The following COX18 variants were observed in gnomAD, a reference collection of about 807,000 sequenced individuals.
COX18 encodes cytochrome c oxidase assembly protein COX18, mitochondrial.
In COX18, 45 loss-of-function variants were observed where a neutral mutation model predicts 38.0. That is an observed-to-expected ratio of 1.18 (90% CI 0.93 to 1.52). COX18 has a LOEUF of 1.52. Among genes scored for constraint, COX18 ranks in the 40% most tolerant of loss-of-function variants. The probability of loss-of-function intolerance (pLI) is 0.00; values close to 1 mark genes in which losing one functional copy is unlikely to be tolerated. For synonymous variants in COX18, 177 were observed against 169.8 expected, an observed-to-expected ratio of 1.04 and a Z score of -0.33; for missense variants, 462 against 423.8, an observed-to-expected ratio of 1.09 and a Z score of -0.79.
rs2110042064 is a variant in COX18, at chr4:73,056,131, AG to A, written c.*1982del. On this transcript the variant is annotated 3_prime_UTR_variant, in exon 6 of 6. Coordinates refer to ENST00000507544, the MANE Select transcript of COX18 (RefSeq NM_001297732.2). ...TTGTAAAACATTGAGATGGAATGAT[AG>A]GGTTTCCCAGAATCAGGTCCATATT... The A allele has an allele frequency of 6.6e-6, 1 of 152,330 alleles. No homozygotes were observed. Among genetic ancestry groups the A allele is most frequent in the East Asian group, 1.9e-4 (1 of 5,192 alleles). The allele number at this position is 152,330 out of a possible 1,614,324, so 9.4% of individuals were successfully genotyped here. A position where few individuals can be genotyped will look rare whatever the true frequency, so the allele number is the denominator to read the frequency against.
chr4:73,069,695 G>T lies in COX18; in HGVS notation c.-46C>A. The T allele has an allele frequency of 6.6e-7, 1 of 1,516,862 alleles. No homozygotes were observed. The highest frequency in any genetic ancestry group is 1.2e-5 in the South Asian group (1 of 83,612). The allele number at this position is 1,516,862 out of a possible 1,614,324, so 94.0% of individuals were successfully genotyped here. On this transcript the variant is annotated 5_prime_UTR_variant, in exon 1 of 6. Coordinates refer to ENST00000507544, the MANE Select transcript of COX18 (RefSeq NM_001297732.2). ...CAGATCCCGGGCCTCACAATCCAGC[G>T]GACATACACCGGCCAGCCAAGGCTG... is the stretch of plus-strand genomic sequence containing the variant.
rs1719893615 is a variant in COX18, at chr4:73,056,582, GAC to G, written c.*1530_*1531del. 6.6e-6 allele frequency: 1 copy of G among 152,066 alleles called. No homozygotes were observed. The highest frequency in any genetic ancestry group is 6.6e-5 in the Admixed American group (1 of 15,262). The allele number at this position is 152,066 out of a possible 1,614,324, so 9.4% of individuals were successfully genotyped here. On this transcript the variant is annotated 3_prime_UTR_variant, in exon 6 of 6. Coordinates refer to ENST00000507544, the MANE Select transcript of COX18 (RefSeq NM_001297732.2). ...ACCATGTTAGGGACTTGTATGCATGGACTACTTTACTGCATATATTTCAAGTT... is the reference window on the plus strand; with the variant it reads ...ACCATGTTAGGGACTTGTATGCATGGTACTTTACTGCATATATTTCAAGTT...
intron 2 of COX18, among the ~76,000 whole-genome samples, chr4:73,066,574 A>G (rs930241551): frequency 6.6e-6 from 1 of 152,332 alleles, no homozygotes; most frequent in East Asian, 1.9e-4. Context: ...AGAAGCCCTC[A>G]GATGTTTCCT....
In COX18 at chr4:73,067,956, G is replaced by GTGTGTGTA; in HGVS notation, c.434+72_434+73insTACACACA. 3.3e-3 allele frequency: 3 copies of GTGTGTGTA among 912 alleles called. No individual in the cohort carries two copies. The Non-Finnish European group carries it at 0.048, about 15-fold the overall frequency. The allele number at this position is 912 out of a possible 1,614,324, so 0.1% of individuals were successfully genotyped here. A position where few individuals can be genotyped will look rare whatever the true frequency, so the allele number is the denominator to read the frequency against. On this transcript the variant is annotated intron_variant, in intron 2 of 5. Coordinates refer to ENST00000507544, the MANE Select transcript of COX18 (RefSeq NM_001297732.2). ...ATAATTAACATCACAATTTATGTAT[G>GTGTGTGTA]TGTGTGTGTGTGTGTGTGTGTGTGT...
At chr4:73,060,414 T>C (rs1045435808) in intron 5 of COX18, among the ~76,000 whole-genome samples, 2 of 152,240 alleles carry the variant, frequency 1.3e-5, no homozygotes, top group African/African-American at 4.8e-5. Context: ...ACTACTACTT[T>C]ATGTAAAAAG....
At chr4:73,059,229 C>T (rs982404593) in intron 5 of COX18, among the ~76,000 whole-genome samples, 7 of 152,142 alleles carry the variant, frequency 4.6e-5, no homozygotes, top group African/African-American at 1.7e-4. Flanking sequence ...GTAATCAGGC[C>T]CCAGAAACAA....
rs1720384245 is a variant in COX18, at chr4:73,065,278, A to G, written c.570T>C (p.Asn190=). ...MWIFMSFALR[N]LSTGAAHSEA... is the part of the protein sequence containing the mutation. ...CTGAATGTGCTGCCCCCGTGCTTAA[A>G]TTCCGGAGAGCAAAAGACATGAAGA... The change falls in exon 3 of 6, where the codon AAT becomes AAC. Residue 190 remains asparagine, a synonymous_variant. Coordinates refer to ENST00000507544, the MANE Select transcript of COX18 (RefSeq NM_001297732.2). 6.2e-7 allele frequency: 1 copy of G among 1,613,378 alleles called. No individual in the cohort carries two copies. Among genetic ancestry groups the G allele is most frequent in the East Asian group, 2.2e-5 (1 of 44,846 alleles).
At chr4:73,067,778 T>A (rs1301029131) in intron 2 of COX18, among the ~76,000 whole-genome samples, 1 of 128,528 alleles carries the variant, frequency 7.8e-6, no homozygotes, top group Non-Finnish European at 1.6e-5. Context: ...GAGGCAGAGG[T>A]TGTGATGAGC....
chr4:73,058,314 C>G, intron 5 of COX18, 27 bp from the exon 6 acceptor site: 1 of 1,530,100 alleles, frequency 6.5e-7, no homozygotes, highest in Non-Finnish European at 8.9e-7. Context: ...TAAATGTTAG[C>G]ATCTGTAATT....
At position 73,058,084 on chromosome 4, in the gene COX18, G is replaced by GC. The variant is rs1333513690; in HGVS notation, c.*29dup. The GC allele has an allele frequency of 2.7e-6, 4 of 1,460,000 alleles. No individual in the cohort carries two copies. The highest frequency in any genetic ancestry group is 3.8e-6 in the Non-Finnish European group (4 of 1,058,570). The allele number at this position is 1,460,000 out of a possible 1,614,324, so 90.4% of individuals were successfully genotyped here. The stretch of plus-strand genomic sequence containing the variant: ...ATACATTTAGATGATAGTGACTCCT[G>GC]CAACTGTTTCAAAATTATTGGAAAA... On this transcript the variant is annotated 3_prime_UTR_variant, in exon 6 of 6. Transcript: ENST00000507544.
intron 4 of COX18, among the ~76,000 whole-genome samples, chr4:73,063,943 C>T (rs763937288): frequency 6.6e-6 from 1 of 152,294 alleles, no homozygotes; most frequent in African/African-American, 2.4e-5. Context: ...ATTATATGCA[C>T]GCTTTCCCTA....
chr4:73,067,998 G>T, intron 2 of COX18, 31 bp downstream of exon 2: 1 of 1,286,490 alleles, frequency 7.8e-7, no homozygotes, highest in Non-Finnish European at 1.1e-6. Flanking sequence ...GTATGTGTGC[G>T]TATGGTCTTA....
chr4:73,061,667 C>T, intron 5 of COX18, 146 bp downstream of exon 5: 1 of 575,138 alleles, frequency 1.7e-6, no homozygotes, highest in Non-Finnish European at 3.0e-6. Context: ...GAGATCGCGC[C>T]ACTGCACTCC....
Position 73,055,159 on chromosome 4 carries a change from C to CA in COX18, c.*2954dup, listed in dbSNP as rs1719840864. 2.0e-5 allele frequency: 3 copies of CA among 152,324 alleles called. No homozygotes were observed. The South Asian group carries it at 6.2e-4, about 32-fold the overall frequency. The allele number at this position is 152,324 out of a possible 1,614,324, so 9.4% of individuals were successfully genotyped here. A position where few individuals can be genotyped will look rare whatever the true frequency, so the allele number is the denominator to read the frequency against. On this transcript the variant is annotated 3_prime_UTR_variant, in exon 6 of 6. Coordinates refer to ENST00000507544, the MANE Select transcript of COX18 (RefSeq NM_001297732.2). ...TACACAGTAACACACACGGCAAAGG[C>CA]AAAGTTATTCCAGAGGTAATATGTA... is the stretch of plus-strand genomic sequence containing the variant.
At position 73,069,144 on chromosome 4, in the gene COX18, G is replaced by A. The variant is rs150240213; in HGVS notation, c.333+173C>T. 1.2e-3 allele frequency among the ~76,000 whole-genome samples: 187 copies of A among 152,350 alleles called. 1 individual carries two copies. The highest frequency in any genetic ancestry group is 2.1e-3 in the Non-Finnish European group (146 of 68,036). On this transcript the variant is annotated intron_variant, in intron 1 of 5. Transcript: ENST00000507544. ...AAGTATCTTATTTAACACACCTAAT[G>A]CTAGTTCAATTTTTTTTAACGCTAA...
Position 73,052,607 on chromosome 4 carries a change from A to G in COX18, c.*5507T>C, listed in dbSNP as rs983804814. 6.6e-6 allele frequency: 1 copy of G among 152,198 alleles called. No homozygotes were observed. Among genetic ancestry groups the G allele is most frequent in the Non-Finnish European group, 1.5e-5 (1 of 68,036 alleles). 9.4% of individuals were successfully genotyped at this position (152,198 alleles called of 1,614,324 possible). A position where few individuals can be genotyped will look rare whatever the true frequency, so the allele number is the denominator to read the frequency against. ...CATTATTACAAGTTTAAACAACACT[A>G]ATAAGGTTCAAATGGAAAATCTATA... On this transcript the variant is annotated 3_prime_UTR_variant, in exon 6 of 6. Transcript: ENST00000507544.
intron 4 of COX18, among the ~76,000 whole-genome samples, chr4:73,062,441 A>T (rs1720219983): frequency 6.6e-6 from 1 of 152,158 alleles, no homozygotes; most frequent in African/African-American, 2.4e-5. Flanking sequence ...ACCAAAAAAC[A>T]AGGGCAATGA....
At chr4:73,062,033 A>C in intron 4 of COX18, 113 bp from the exon 5 acceptor site, 1 of 612,446 alleles carries the variant, frequency 1.6e-6, no homozygotes, top group Non-Finnish European at 2.9e-6. Context: ...CTTTAATAAA[A>C]GTTATATATA....
Position 73,061,429 on chromosome 4 carries a change from C to G in COX18, c.831+384G>C, listed in dbSNP as rs185409769. ...TTCAGCAGAAGAAGCAGGATCCCAG[C>G]CAGGTGCGGTGGCTCACGCCTGTAA... is the stretch of plus-strand genomic sequence containing the variant. On this transcript the variant is annotated intron_variant, in intron 5 of 5. Transcript: ENST00000507544. Among the ~76,000 whole-genome samples the G allele has an allele frequency of 2.8e-4, 43 of 152,294 alleles. 1 individual carries two copies. In the East Asian group the frequency reaches 7.7e-3, roughly 27 times the overall value.
Sources: allele counts gnomAD v4.1 joint callset (sites outside exome capture counted in the v4.1 genomes callset), GRCh38; gene constraint gnomAD v4.1.1; transcripts MANE v1.5; gene names NCBI Gene and HGNC (gene_info 2026-07-23, HGNC 2026-07-21).